KAZN: variants seen among roughly 807,000 people sequenced by gnomAD.
KAZN encodes the protein kazrin, periplakin interacting protein, also known as kazrin.
KAZN carries 40 observed loss-of-function variants against 87.4 expected under a neutral mutation model. That is an observed-to-expected ratio of 0.46 (90% confidence interval 0.36 to 0.60). The LOEUF (loss-of-function observed/expected upper bound fraction) is 0.60, where lower values mean the gene tolerates loss of function less well. KAZN is among the 20% of genes least tolerant of loss of function. The pLI is 0.00. For missense variants in KAZN, 898 were observed against 1,073.9 expected (o/e 0.84, Z 2.29); for synonymous variants, 466 against 458.3 (o/e 1.02, Z -0.22).
chr1:14,429,539 A>T (rs996575844), intron 2 of KAZN, among the ~76,000 whole-genome samples: 2 of 152,214 alleles, frequency 1.3e-5, no homozygotes, highest in African/African-American at 4.8e-5. Context: ...GATGGGATAC[A>T]CTATGGCAGG....
intron 2 of KAZN, among the ~76,000 whole-genome samples, chr1:14,321,482 A>G (rs1468579598): frequency 1.3e-5 from 2 of 152,330 alleles, no homozygotes; most frequent in East Asian, 3.9e-4. Context: ...AGGGGCATGC[A>G]GCATTTTTAA....
At position 13,991,404 on chromosome 1, in the gene KAZN, C is replaced by T. The variant is rs576950927; in HGVS notation, c.91+97648C>T. Among the ~76,000 whole-genome samples, 5 of 151,350 alleles carry T rather than the reference C, an allele frequency of 3.3e-5. No homozygotes were observed. The South Asian group carries it at 6.3e-4, about 19-fold the overall frequency. On this transcript the variant is annotated intron_variant, in intron 1 of 16. Transcript: ENST00000636203. The stretch of plus-strand genomic sequence containing the variant: ...TATATACCTATGTAACAAACCTGCA[C>T]GTTCTGCACATGTATCCCGGAACTT...
chr1:14,760,242 C>T (rs1227144713), intron 1 of KAZN, among the ~76,000 whole-genome samples: 1 of 152,160 alleles, frequency 6.6e-6, no homozygotes, highest in Non-Finnish European at 1.5e-5. Flanking sequence ...GGGCCCAAAT[C>T]CTCGTCTCAG....
intron 1 of KAZN, among the ~76,000 whole-genome samples, chr1:14,748,847 G>T (rs1302716877): frequency 1.3e-5 from 2 of 152,090 alleles, no homozygotes; most frequent in Non-Finnish European, 2.9e-5. Flanking sequence ...CAGTGCCCCT[G>T]GATAGGAAAG....
chr1:14,734,765 A>G (rs1643841170), intron 1 of KAZN, among the ~76,000 whole-genome samples: 1 of 152,212 alleles, frequency 6.6e-6, no homozygotes, highest in Non-Finnish European at 1.5e-5. Context: ...GGTTCATGCA[A>G]GCCCACCGTG....
At chr1:14,926,474 T>C (rs79388703) in intron 1 of KAZN, among the ~76,000 whole-genome samples, 6,936 of 152,292 alleles carry the variant, frequency 0.046, 279 homozygotes, top group Non-Finnish European at 0.066. Context: ...AAAACTCTTT[T>C]CCCAGTTTAC....
At chr1:14,854,958 A>T (rs6671676) in intron 1 of KAZN, among the ~76,000 whole-genome samples, 2,019 of 152,228 alleles carry the variant, frequency 0.013, 19 homozygotes, top group East Asian at 0.027. Context: ...AAATAGCAAC[A>T]CTAGATGATT....
chr1:14,589,923 GAATGGGGGCCTGAGTAGAA>G (rs1676091417), intron 2 of KAZN, among the ~76,000 whole-genome samples: 1 of 152,152 alleles, frequency 6.6e-6, no homozygotes, highest in Non-Finnish European at 1.5e-5. Context: ...TCTGGGAAAA[GAATGGGGGCCTGAGTAGAA>G]ATGAGTGGAA....
chr1:14,636,750 G>A (rs773843769), intron 1 of KAZN, among the ~76,000 whole-genome samples: 3 of 152,158 alleles, frequency 2.0e-5, no homozygotes, highest in Non-Finnish European at 4.4e-5. Flanking sequence ...CTGGCTTTAC[G>A]GCTAATCATG....
intron 2 of KAZN, among the ~76,000 whole-genome samples, chr1:14,336,169 T>A (rs1240406226): frequency 1.3e-5 from 2 of 152,240 alleles, no homozygotes; most frequent in African/African-American, 4.8e-5. Flanking sequence ...GCTACTAATC[T>A]GTCTCTATGG....
intron 1 of KAZN, among the ~76,000 whole-genome samples, chr1:14,835,734 A>G (rs532021837): frequency 6.6e-6 from 1 of 152,092 alleles, no homozygotes; most frequent in African/African-American, 2.4e-5. Flanking sequence ...TCCCTGTAAC[A>G]CCATCTCCTG....
At chr1:14,731,720 C>T (rs1427864920) in intron 1 of KAZN, among the ~76,000 whole-genome samples, 3 of 152,232 alleles carry the variant, frequency 2.0e-5, no homozygotes, top group Non-Finnish European at 4.4e-5. Context: ...GGTCCTTGGA[C>T]TGTGCTGGGA....
At chr1:15,048,414 GTGTGTGTA>G (rs961482555) in intron 4 of KAZN, among the ~76,000 whole-genome samples, 1 of 139,616 alleles carries the variant, frequency 7.2e-6, no homozygotes, top group African/African-American at 2.8e-5. Context: ...GGGACCGCAT[GTGTGTGTA>G]TGTGTGTGTG....
intron 4 of KAZN, among the ~76,000 whole-genome samples, chr1:15,044,462 A>G (rs11585402): frequency 0.19 from 29,503 of 152,156 alleles, 3,060 homozygotes; most frequent in African/African-American, 0.25. Flanking sequence ...CTATTAGGAA[A>G]AAAAGGCCTA....
At chr1:14,180,165 C>T (rs1357315977) in intron 1 of KAZN, among the ~76,000 whole-genome samples, 2 of 151,986 alleles carry the variant, frequency 1.3e-5, no homozygotes, top group African/African-American at 2.4e-5. Context: ...GGACTAGATA[C>T]TCCATGAAGG....
chr1:15,092,822 C>G (rs921121395), intron 8 of KAZN, among the ~76,000 whole-genome samples: 1 of 152,084 alleles, frequency 6.6e-6, no homozygotes, highest in Non-Finnish European at 1.5e-5. Context: ...CTTTTCCCCT[C>G]TCAATTGAGT....
intron 1 of KAZN, among the ~76,000 whole-genome samples, chr1:14,611,688 CAAA>C (rs34013908): frequency 3.3e-5 from 4 of 119,678 alleles, no homozygotes; most frequent in Admixed American, 8.9e-5. Flanking sequence ...CACCCTGTCT[CAAA>C]AAAAAAAAAA....
intron 2 of KAZN, among the ~76,000 whole-genome samples, chr1:14,507,960 C>T (rs1441419676): frequency 7.1e-6 from 1 of 139,998 alleles, no homozygotes; most frequent in Non-Finnish European, 1.5e-5. Context: ...GAGCGAGACT[C>T]GGTCTCCAAA....
intron 2 of KAZN, among the ~76,000 whole-genome samples, chr1:14,284,597 A>G (rs1653099400): frequency 6.6e-6 from 1 of 152,166 alleles, no homozygotes; most frequent in Non-Finnish European, 1.5e-5. Context: ...AGAGTAAGGG[A>G]AACTGTTTGC....
Sources: gnomAD v4.1 joint callset for allele counts (sites outside exome capture counted in the v4.1 genomes callset) on GRCh38, gnomAD v4.1.1 for gene constraint, MANE v1.5 for transcripts, NCBI Gene and HGNC (gene_info 2026-07-23, HGNC 2026-07-21) for gene names.